The following PCA3 variants were observed in gnomAD, a reference collection of about 807,000 sequenced individuals.
The protein encoded by PCA3 is prostate cancer associated 3, also known as Differential Display code 3.
At chr9:76,781,026 C>G (rs977586638) in intron 2 of PCA3, among the ~76,000 whole-genome samples, 3 of 152,292 alleles carry the variant, frequency 2.0e-5, no homozygotes, top group Middle Eastern at 3.4e-3. Context: ...GCCAGTCCAT[C>G]AACACATCCT....
chr9:76,786,710 C>T (rs2055024262), intron 2 of PCA3: 1 of 152,168 alleles, frequency 6.6e-6, no homozygotes, highest in South Asian at 2.1e-4. Flanking sequence ...TATTAATTTC[C>T]AATAGATGCT....
At chr9:76,770,561 T>C (rs933063939) in intron 2 of PCA3, among the ~76,000 whole-genome samples, 2 of 152,192 alleles carry the variant, frequency 1.3e-5, no homozygotes, top group African/African-American at 2.4e-5. Flanking sequence ...TGAAATATTA[T>C]GGTAAAATTA....
intron 2 of PCA3, among the ~76,000 whole-genome samples, chr9:76,773,950 C>A (rs1030783415): frequency 4.6e-5 from 7 of 151,980 alleles, no homozygotes; most frequent in African/African-American, 1.7e-4. Flanking sequence ...AGAGAAGGAG[C>A]AAGTGAAAAC....
At chr9:76,783,467 G>T (rs920239711) in intron 2 of PCA3, among the ~76,000 whole-genome samples, 2 of 152,098 alleles carry the variant, frequency 1.3e-5, no homozygotes. Context: ...TCTCTAGAGG[G>T]GACCTCAAGA....
intron 2 of PCA3, chr9:76,779,533 T>A (rs1191465883): frequency 1.3e-5 from 2 of 152,206 alleles, no homozygotes; most frequent in Admixed American, 1.3e-4. Context: ...AGAGAAAGTT[T>A]TAGAATCTCA....
chr9:76,782,085 G>T (rs928581113), intron 2 of PCA3, among the ~76,000 whole-genome samples: 5 of 152,158 alleles, frequency 3.3e-5, no homozygotes, highest in Non-Finnish European at 7.3e-5. Flanking sequence ...GTGGTGGTGG[G>T]CACCTGTAGT....
intron 2 of PCA3, chr9:76,778,612 T>C (rs561119585): frequency 3.3e-5 from 5 of 152,288 alleles, no homozygotes; most frequent in African/African-American, 4.8e-5. Context: ...ATGTGGATGA[T>C]TGGATGATCA....
At chr9:76,770,969 C>A (rs184174846) in intron 2 of PCA3, among the ~76,000 whole-genome samples, 1 of 152,112 alleles carries the variant, frequency 6.6e-6, no homozygotes, top group Non-Finnish European at 1.5e-5. Flanking sequence ...TAATAACTAA[C>A]TAGAGACACT....
chr9:76,771,437 AAG>A (rs1433988696), intron 2 of PCA3, among the ~76,000 whole-genome samples: 1 of 152,204 alleles, frequency 6.6e-6, no homozygotes, highest in Non-Finnish European at 1.5e-5. Flanking sequence ...TTCTAGAAGA[AAG>A]AGCTATGAAG....
rs115666990 is a variant in PCA3, at chr9:76,766,331, A to T, written n.852+29716A>T. Among the ~76,000 whole-genome samples, 751 of 152,268 alleles carry T rather than the reference A, an allele frequency of 4.9e-3. 6 individuals carry two copies. Among genetic ancestry groups the T allele is most frequent in the African/African-American group, 0.017 (727 of 41,548 alleles). On this transcript the variant is annotated intron_variant and non_coding_transcript_variant, in intron 2 of 5. Coordinates refer to ENST00000644657, the Ensembl canonical transcript of PCA3. ...AGGCAAAGCCTATCTGTGTGGGATT[A>T]ATGACAGCATTGAGTGGGTGGCTGT... is the stretch of plus-strand genomic sequence containing the variant.
chr9:76,776,887 AACACATACACACACAC>A lies in PCA3; in HGVS notation n.853-31690_853-31675del, dbSNP rs1343542385. ...TCTTGAGTTTCTTTCTCATTACCAA[AACACATACACACACAC>A]ACACACACACACACACACACACACA... On this transcript the variant is annotated intron_variant and non_coding_transcript_variant, in intron 2 of 5. Transcript: ENST00000644657. Among the ~76,000 whole-genome samples, 705 of 96,538 alleles carry A rather than the reference AACACATACACACACAC, an allele frequency of 7.3e-3. 8 individuals carry two copies. Among genetic ancestry groups the A allele is most frequent in the African/African-American group, 0.024 (672 of 28,240 alleles). 63.3% of individuals were successfully genotyped at this position (96,538 alleles called of 152,430 possible). A position where few individuals can be genotyped will look rare whatever the true frequency, so the allele number is the denominator to read the frequency against.
intron 2 of PCA3, among the ~76,000 whole-genome samples, chr9:76,776,209 G>A (rs187091070): frequency 3.5e-4 from 53 of 152,328 alleles, no homozygotes; most frequent in Admixed American, 1.1e-3. Flanking sequence ...TAGTGGTGAA[G>A]TCTGAGCTTT....
intron 2 of PCA3, among the ~76,000 whole-genome samples, chr9:76,767,743 G>A (rs1001849222): frequency 2.6e-5 from 4 of 152,058 alleles, no homozygotes; most frequent in Non-Finnish European, 4.4e-5. Context: ...AATGAATCCA[G>A]CCTGCCCAGC....
At chr9:76,766,838 A>T (rs1032560719) in intron 2 of PCA3, among the ~76,000 whole-genome samples, 1 of 152,210 alleles carries the variant, frequency 6.6e-6, no homozygotes, top group African/African-American at 2.4e-5. Flanking sequence ...TCTCCAAAGC[A>T]CTGTTCTGCG....
At chr9:76,785,174 G>C (rs2054845960) in intron 2 of PCA3, 1 of 152,068 alleles carries the variant, frequency 6.6e-6, no homozygotes, top group South Asian at 2.1e-4. Context: ...GTAATTCCTT[G>C]AACATGTCAG....
intron 2 of PCA3, among the ~76,000 whole-genome samples, chr9:76,767,584 T>G (rs1363531305): frequency 6.6e-6 from 1 of 152,206 alleles, no homozygotes; most frequent in Non-Finnish European, 1.5e-5. Context: ...TTCGCTTCTG[T>G]GACTGCATGA....
At chr9:76,769,128 C>A (rs751052270) in intron 2 of PCA3, among the ~76,000 whole-genome samples, 28 of 152,124 alleles carry the variant, frequency 1.8e-4, no homozygotes, top group Non-Finnish European at 3.4e-4. Context: ...TTATGGTACT[C>A]ATATATGGGT....
intron 2 of PCA3, among the ~76,000 whole-genome samples, chr9:76,776,157 T>C (rs1589158533): frequency 1.3e-5 from 2 of 152,310 alleles, no homozygotes; most frequent in Middle Eastern, 6.8e-3. Flanking sequence ...TTTTTGTAAA[T>C]TTTAGGGGGT....
At chr9:76,775,080 G>T (rs1229561796) in intron 2 of PCA3, among the ~76,000 whole-genome samples, 6 of 152,038 alleles carry the variant, frequency 3.9e-5, no homozygotes, top group Admixed American at 2.6e-4. Context: ...AAAAAAATTT[G>T]CCCTGTTACT....
Sources: gnomAD v4.1 joint callset for allele counts (sites outside exome capture counted in the v4.1 genomes callset) on GRCh38, gnomAD v4.1.1 for gene constraint, MANE v1.5 for transcripts, NCBI Gene and HGNC (gene_info 2026-07-23, HGNC 2026-07-21) for gene names.